Variants in LRRC8A observed in about 807,000 individuals in gnomAD.
LRRC8A encodes volume-regulated anion channel subunit LRRC8A.
In LRRC8A, 24 loss-of-function variants were observed where a neutral mutation model predicts 52.5. The ratio of observed to expected loss-of-function variants is 0.46; its 90% CI spans 0.33 to 0.64. The LOEUF (loss-of-function observed/expected upper bound fraction) is 0.64, where lower values mean the gene tolerates loss of function less well. Ranked by LOEUF, LRRC8A falls within the 30% of genes least tolerant of loss-of-function variation. LRRC8A has a pLI of 0.02. For synonymous variants in LRRC8A, 492 were observed against 494.2 expected (o/e 1.00, Z 0.06); for missense variants, 677 against 1,094.7 (o/e 0.62, Z 5.38).
At position 128,909,149 on chromosome 9, in the gene LRRC8A, C is replaced by A. The variant is rs1258382253; in HGVS notation, c.1985C>A (p.Thr662Asn). Residue 662 changes from threonine (T) to asparagine (N), a missense_variant, in exon 3 of 4, where the codon ACC (threonine) becomes AAC (asparagine). This residue lies in a region of LRRC8A where 169 missense variants were observed against 217.6 expected (regional missense o/e 0.78). Coordinates refer to ENST00000372600, the MANE Select transcript of LRRC8A (RefSeq NM_019594.4). ...ATCCCCATCCAGATCGGCAACCTCA[C>A]CAACCTGGAGCGCCTCTACCTGAAC... Reference protein sequence around the residue: ...AYIPIQIGNLTNLERLYLNRN... With the variant: ...AYIPIQIGNLNNLERLYLNRN... 12 of 1,614,016 alleles carry A rather than the reference C, an allele frequency of 7.4e-6. No homozygotes were observed. The highest frequency in any genetic ancestry group is 9.3e-6 in the Non-Finnish European group (11 of 1,180,048).
At chr9:128,914,057 T>C (rs1341266644) in intron 3 of LRRC8A, among the ~76,000 whole-genome samples, 1 of 152,010 alleles carries the variant, frequency 6.6e-6, no homozygotes, top group Non-Finnish European at 1.5e-5. Context: ...ATACAAAAAT[T>C]AGCCGGGCAT....
chr9:128,911,038 T>C lies in LRRC8A; in HGVS notation c.2157+1717T>C, dbSNP rs1840498930. On this transcript the variant is annotated intron_variant, in intron 3 of 3. Coordinates refer to ENST00000372600, the MANE Select transcript of LRRC8A (RefSeq NM_019594.4). The surrounding 1 kb of genome is among the most constrained non-coding windows in gnomAD (Gnocchi z 4.9). ...CCTGCTGAGTCCTCCCAACAGGGTC[T>C]GTCTATAGCATCCTCAGGCACGGAG... 6.6e-6 allele frequency among the ~76,000 whole-genome samples: 1 copy of C among 152,170 alleles called. No homozygotes were observed. The highest frequency in any genetic ancestry group is 2.1e-4 in the South Asian group (1 of 4,828).
chr9:128,896,046 C>T (rs1013244333), intron 2 of LRRC8A, among the ~76,000 whole-genome samples: 4 of 152,240 alleles, frequency 2.6e-5, no homozygotes, highest in Non-Finnish European at 5.9e-5. Flanking sequence ...ATTCCAAGCA[C>T]AGTTGAAGTC....
intron 2 of LRRC8A, among the ~76,000 whole-genome samples, chr9:128,890,130 T>TTGTGTGTCTGTG: frequency 7.8e-6 from 1 of 128,306 alleles, no homozygotes; most frequent in East Asian, 2.4e-4. Flanking sequence ...TGGCTTCATT[T>TTGTGTGTCTGTG]TGTGTGTGTG....
At chr9:128,893,184 T>G (rs1298032276) in intron 2 of LRRC8A, among the ~76,000 whole-genome samples, 4 of 152,010 alleles carry the variant, frequency 2.6e-5, no homozygotes, top group Non-Finnish European at 4.4e-5. Flanking sequence ...GGTCTCTGAG[T>G]GGTCTGCGAG....
Position 128,907,215 on chromosome 9 carries a change from C to G in LRRC8A, c.51C>G (p.Tyr17Ter). The G allele has an allele frequency of 2.5e-6, 4 of 1,613,680 alleles. No individual in the cohort carries two copies. The highest frequency in any genetic ancestry group is 3.4e-6 in the Non-Finnish European group (4 of 1,179,652). Residue 17 changes from tyrosine to a stop codon, truncating the protein, a stop_gained, in exon 3 of 4, where the codon TAC becomes TAG. Transcript: ENST00000372600. LOFTEE classifies it high-confidence loss of function. This position sits in a 1 kb window ranked among gnomAD's most constrained non-coding sequence, Gnocchi z 9.3. Reference protein sequence around the residue: ...LRYFADTQPAYRILKPWWDVF... With the variant: ...LRYFADTQPA ...ACTTTGCGGACACGCAGCCAGCATA[C>G]CGGATCCTGAAGCCGTGGTGGGATG...
chr9:128,903,296 C>T (rs1564524833), intron 2 of LRRC8A, among the ~76,000 whole-genome samples: 1 of 152,188 alleles, frequency 6.6e-6, no homozygotes, highest in Non-Finnish European at 1.5e-5. Context: ...GCTGAGTGCC[C>T]CATTCCACCT....
chr9:128,916,006 T>G lies in LRRC8A; in HGVS notation c.2158-90T>G. 2 of 1,458,604 alleles carry G rather than the reference T, an allele frequency of 1.4e-6. No individual in the cohort carries two copies. The highest frequency in any genetic ancestry group is 1.9e-6 in the Non-Finnish European group (2 of 1,079,678). The allele number at this position is 1,458,604 out of a possible 1,614,324, so 90.4% of individuals were successfully genotyped here. A position where few individuals can be genotyped will look rare whatever the true frequency, so the allele number is the denominator to read the frequency against. On this transcript the variant is annotated intron_variant, in intron 3 of 3. Transcript: ENST00000372600. The surrounding 1 kb of genome is among the most constrained non-coding windows in gnomAD (Gnocchi z 6.1). The stretch of plus-strand genomic sequence containing the variant: ...GGGGCCTGGGGATCAGAAAAGATGC[T>G]GAGATCTTGGGGAGAGAGGGAAGGG...
chr9:128,883,968 C>G (rs1280807653), intron 1 of LRRC8A, among the ~76,000 whole-genome samples: 1 of 151,468 alleles, frequency 6.6e-6, no homozygotes, highest in African/African-American at 2.4e-5. Flanking sequence ...GAGCAAAATT[C>G]CATCTCAAAA....
chr9:128,908,932 A>T lies in LRRC8A; in HGVS notation c.1768A>T (p.Met590Leu). The T allele has an allele frequency of 6.2e-7, 1 of 1,613,992 alleles. No individual in the cohort carries two copies. Among genetic ancestry groups the T allele is most frequent in the Non-Finnish European group, 8.5e-7 (1 of 1,180,000 alleles). ...KLIVLNSLKK[M>L]ANLTELELIR... ...CATCGTCCTCAACAGCCTCAAGAAG[A>T]TGGCGAACCTGACTGAGCTGGAGCT... The change falls in exon 3 of 4, where the codon ATG becomes TTG. Residue 590 changes from methionine to leucine, a missense_variant. Around this residue, in one of 4 missense-constraint regions of LRRC8A, gnomAD observed 422 missense variants for 741.5 expected, o/e 0.57. Transcript: ENST00000372600.
chr9:128,907,905 G>T lies in LRRC8A; in HGVS notation c.741G>T (p.Val247=), dbSNP rs1244837297. ...AAGCCAAGGCGCTGTTTGAGAAGGT[G>T]AAGAAGTTCCGGACCCATGTGGAGG... ...GEQAKALFEK[V]KKFRTHVEEG... The change falls in exon 3 of 4, where the codon GTG becomes GTT. Residue 247 remains valine, a synonymous_variant. Coordinates refer to ENST00000372600, the MANE Select transcript of LRRC8A (RefSeq NM_019594.4). The surrounding 1 kb of genome is among the most constrained non-coding windows in gnomAD (Gnocchi z 9.3). 1.2e-6 allele frequency: 2 copies of T among 1,613,982 alleles called. No individual in the cohort carries two copies. Among genetic ancestry groups the T allele is most frequent in the African/African-American group, 2.7e-5 (2 of 74,920 alleles).
chr9:128,914,927 C>T (rs1029380086), intron 3 of LRRC8A, among the ~76,000 whole-genome samples: 3 of 152,222 alleles, frequency 2.0e-5, no homozygotes, highest in African/African-American at 7.2e-5. Flanking sequence ...GCTCCGCTAA[C>T]AGTGTGGACG....
At chr9:128,897,951 ACT>A (rs1839880718) in intron 2 of LRRC8A, among the ~76,000 whole-genome samples, 1 of 145,654 alleles carries the variant, frequency 6.9e-6, no homozygotes, top group African/African-American at 2.5e-5. Flanking sequence ...ACAGAGTGAG[ACT>A]CTGTCTCAAA....
chr9:128,882,859 G>C (rs946585195), intron 1 of LRRC8A: 1 of 398,608 alleles, frequency 2.5e-6, no homozygotes. Context: ...ATTCAGGTGG[G>C]CCCGAGGGCG....
Position 128,911,126 on chromosome 9 carries a change from C to T in LRRC8A, c.2157+1805C>T, listed in dbSNP as rs1840506873. On this transcript the variant is annotated intron_variant, in intron 3 of 3. Coordinates refer to ENST00000372600, the MANE Select transcript of LRRC8A (RefSeq NM_019594.4). The surrounding 1 kb of genome is among the most constrained non-coding windows in gnomAD (Gnocchi z 4.9). ...TCCTCAGGCACGGAGGGAGGTGGCC[C>T]CTGGAATGCCCTGTCTGTCCTCCTG... 6.6e-6 allele frequency among the ~76,000 whole-genome samples: 1 copy of T among 152,124 alleles called. No homozygotes were observed. Among genetic ancestry groups the T allele is most frequent in the African/African-American group, 2.4e-5 (1 of 41,440 alleles).
At position 128,911,625 on chromosome 9, in the gene LRRC8A, C is replaced by T. The variant is rs1038703769; in HGVS notation, c.2157+2304C>T. Among the ~76,000 whole-genome samples the T allele has an allele frequency of 6.6e-6, 1 of 152,180 alleles. No homozygotes were observed. The highest frequency in any genetic ancestry group is 1.5e-5 in the Non-Finnish European group (1 of 68,032). On this transcript the variant is annotated intron_variant, in intron 3 of 3. Coordinates refer to ENST00000372600, the MANE Select transcript of LRRC8A (RefSeq NM_019594.4). The surrounding 1 kb of genome is among the most constrained non-coding windows in gnomAD (Gnocchi z 4.9). ...GTTGGGGGAGGGTTCAAGCCTCCAG[C>T]CTGGCTCCCCATCCTGTCCCCCACC...
At position 128,917,408 on chromosome 9, in the gene LRRC8A, C is replaced by A. The variant is rs1289751923; in HGVS notation, c.*1037C>A. 6.6e-6 allele frequency: 1 copy of A among 152,612 alleles called. No homozygotes were observed. Among genetic ancestry groups the A allele is most frequent in the Non-Finnish European group, 1.5e-5 (1 of 68,030 alleles). The allele number at this position is 152,612 out of a possible 1,614,324, so 9.5% of individuals were successfully genotyped here. On this transcript the variant is annotated 3_prime_UTR_variant, in exon 4 of 4. Transcript: ENST00000372600. Reference sequence around the variant, plus strand: ...GTCGGCCAGAGGGAATGTTCTGGAGCTGCCAAGGAGGGAGGAGACTCGGGT... The same window carrying A: ...GTCGGCCAGAGGGAATGTTCTGGAGATGCCAAGGAGGGAGGAGACTCGGGT...
intron 1 of LRRC8A, among the ~76,000 whole-genome samples, chr9:128,883,993 A>AG (rs1361772929): frequency 3.3e-5 from 5 of 151,632 alleles, no homozygotes; most frequent in Non-Finnish European, 7.4e-5. Flanking sequence ...AAAAAAAAAA[A>AG]CAGAGCGGGG....
At chr9:128,912,661 T>C (rs190796172) in intron 3 of LRRC8A, 1 of 152,380 alleles carries the variant, frequency 6.6e-6, no homozygotes, top group East Asian at 1.9e-4. Context: ...TCCTAGTGAT[T>C]GAGTGGGTGA....
Sources: allele counts gnomAD v4.1 joint callset (sites outside exome capture counted in the v4.1 genomes callset), GRCh38; gene constraint gnomAD v4.1.1; regional missense constraint gnomAD v4.1.1; non-coding constraint Gnocchi (gnomAD v3.1); transcripts MANE v1.5; gene names NCBI Gene and HGNC (gene_info 2026-07-23, HGNC 2026-07-21).